PRDM5: variants seen among roughly 807,000 people sequenced by gnomAD.
PRDM5 encodes PR/SET domain 5, also known as PR domain zinc finger protein 5.
In PRDM5, 56 loss-of-function variants were observed where a neutral mutation model predicts 81.2. The observed-to-expected ratio is 0.69, with a 90% CI of 0.56 to 0.86. PRDM5 has a LOEUF of 0.86. Among genes scored for constraint, PRDM5 ranks in the 40% least tolerant of loss-of-function variants. The probability of loss-of-function intolerance (pLI) is 0.00; values close to 1 mark genes in which losing one functional copy is unlikely to be tolerated. For synonymous variants in PRDM5, 267 were observed against 256.4 expected (o/e 1.04, Z -0.39); for missense variants, 697 against 770.1 (o/e 0.91, Z 1.12).
chr4:120,806,429 C>T (rs74753308), intron 8 of PRDM5, among the ~76,000 whole-genome samples: 2 of 152,166 alleles, frequency 1.3e-5, no homozygotes, highest in Admixed American at 6.5e-5. Context: ...GGAGGCATCA[C>T]CCTACCTGAC....
intron 8 of PRDM5, among the ~76,000 whole-genome samples, chr4:120,809,305 A>G (rs763773731): frequency 6.6e-6 from 1 of 152,146 alleles, no homozygotes; most frequent in Non-Finnish European, 1.5e-5. Context: ...TGACAAGTCA[A>G]TGGGTGCAGC....
intron 2 of PRDM5, among the ~76,000 whole-genome samples, chr4:120,858,511 A>G (rs1318718439): frequency 6.6e-6 from 1 of 152,068 alleles, no homozygotes; most frequent in Non-Finnish European, 1.5e-5. Flanking sequence ...TTATTCCCCC[A>G]CTGATTGTTC....
intron 14 of PRDM5, among the ~76,000 whole-genome samples, chr4:120,716,102 G>A (rs1737701236): frequency 6.6e-6 from 1 of 152,128 alleles, no homozygotes; most frequent in South Asian, 2.1e-4. Context: ...CATTGCTTTA[G>A]CTGAATAATG....
At chr4:120,710,159 A>T in intron 15 of PRDM5, 150 bp downstream of exon 15, 1 of 700,432 alleles carries the variant, frequency 1.4e-6, no homozygotes, top group African/African-American at 1.8e-5. Context: ...AGAACAAGCT[A>T]TAAATAGCAT....
chr4:120,709,074 C>T (rs1033034558), intron 15 of PRDM5, among the ~76,000 whole-genome samples: 2 of 152,090 alleles, frequency 1.3e-5, no homozygotes, highest in Admixed American at 6.5e-5. Context: ...AAAAACATAA[C>T]ATGATGGTTC....
chr4:120,731,926 C>A (rs1477108922), intron 14 of PRDM5: 3 of 152,172 alleles, frequency 2.0e-5, no homozygotes, highest in African/African-American at 7.2e-5. Context: ...ATTAGCAAGG[C>A]AAGGAATTTC....
At chr4:120,776,878 T>C (rs770717036) in intron 13 of PRDM5, among the ~76,000 whole-genome samples, 17 of 152,198 alleles carry the variant, frequency 1.1e-4, no homozygotes, top group Non-Finnish European at 1.8e-4. Flanking sequence ...CTTAACTATC[T>C]ATAAAAAGTA....
chr4:120,697,162 G>A (rs189719510), intron 15 of PRDM5, among the ~76,000 whole-genome samples: 1 of 152,270 alleles, frequency 6.6e-6, no homozygotes, highest in Non-Finnish European at 1.5e-5. Flanking sequence ...CACGCATACT[G>A]TACTTGAGAA....
At chr4:120,762,619 A>T (rs1745789441) in intron 13 of PRDM5, 1 of 152,204 alleles carries the variant, frequency 6.6e-6, no homozygotes, top group Non-Finnish European at 1.5e-5. Context: ...CCTTCAATTT[A>T]TGGAGTTTCT....
At chr4:120,813,269 A>G (rs1754083323) in intron 7 of PRDM5, among the ~76,000 whole-genome samples, 1 of 152,222 alleles carries the variant, frequency 6.6e-6, no homozygotes, top group African/African-American at 2.4e-5. Context: ...ACCATAAAAT[A>G]TGTTTTCAAC....
At chr4:120,757,908 T>C (rs981522416) in intron 13 of PRDM5, among the ~76,000 whole-genome samples, 3 of 151,766 alleles carry the variant, frequency 2.0e-5, no homozygotes, top group African/African-American at 7.3e-5. Flanking sequence ...CTTCTGTCTC[T>C]CTCCCTTCCT....
intron 10 of PRDM5, among the ~76,000 whole-genome samples, chr4:120,790,242 C>G (rs1222661281): frequency 1.3e-5 from 2 of 152,168 alleles, no homozygotes; most frequent in Admixed American, 1.3e-4. Context: ...TTTATTACAG[C>G]TAACTTAGAG....
rs778780459 is a variant in PRDM5 at position 120,798,347 on chromosome 4, G to A, written c.1108C>T (p.His370Tyr). ...CATTTGTAAGGTTTGTCTTCGCTGT[G>A]TATTACTTTGTGAGCACCCACTTGA... ...LDQVGAHKVI[H>Y]SEDKPYKCKL... The change falls in exon 10 of 16, where the codon CAC (histidine) becomes TAC (tyrosine). Residue 370 changes from histidine to tyrosine, a missense_variant. Transcript: ENST00000264808. 40 of 1,613,270 alleles carry A rather than the reference G, an allele frequency of 2.5e-5. No individual in the cohort carries two copies. Among genetic ancestry groups the A allele is most frequent in the Non-Finnish European group, 3.3e-5 (39 of 1,179,562 alleles).
intron 3 of PRDM5, chr4:120,839,419 A>C: frequency 1.6e-6 from 1 of 642,820 alleles, no homozygotes; most frequent in East Asian, 2.7e-5. Context: ...TCAGGCTGCT[A>C]GCAGAGAAGG....
intron 8 of PRDM5, among the ~76,000 whole-genome samples, chr4:120,802,246 T>C: frequency 6.6e-6 from 1 of 152,182 alleles, no homozygotes; most frequent in East Asian, 1.9e-4. Flanking sequence ...ATGTTCAAAA[T>C]TCCTTAAAAT....
intron 2 of PRDM5, among the ~76,000 whole-genome samples, chr4:120,853,898 G>T (rs1338219649): frequency 6.6e-6 from 1 of 152,130 alleles, no homozygotes; most frequent in East Asian, 1.9e-4. Flanking sequence ...TTTCTCCAAA[G>T]AGAAGGGTCA....
At chr4:120,887,579 C>G (rs952623400) in intron 2 of PRDM5, among the ~76,000 whole-genome samples, 2 of 152,312 alleles carry the variant, frequency 1.3e-5, no homozygotes, top group East Asian at 3.9e-4. Flanking sequence ...TCTAATCCTA[C>G]ACACCACTAC....
At chr4:120,685,213 C>G (rs1733787686) in intron 1 of PRDM5, among the ~76,000 whole-genome samples, 2 of 151,850 alleles carry the variant, frequency 1.3e-5, no homozygotes, top group Non-Finnish European at 2.9e-5. Flanking sequence ...TATTTGAATA[C>G]TATTATTTAA....
At chr4:120,800,199 G>C (rs918554625) in intron 8 of PRDM5, among the ~76,000 whole-genome samples, 2 of 152,132 alleles carry the variant, frequency 1.3e-5, no homozygotes, top group African/African-American at 4.8e-5. Context: ...ACAGGATTCT[G>C]AAAAGCATTT....
Sources: allele counts gnomAD v4.1 joint callset (sites outside exome capture counted in the v4.1 genomes callset), GRCh38; gene constraint gnomAD v4.1.1; transcripts MANE v1.5; gene names NCBI Gene and HGNC (gene_info 2026-07-23, HGNC 2026-07-21).